CSMD1: variants seen among roughly 807,000 people sequenced by gnomAD.
The protein encoded by CSMD1 is CUB and Sushi multiple domains 1.
Under a neutral mutation model 417.5 loss-of-function variants are expected in CSMD1, and 213 were observed. The ratio of observed to expected loss-of-function variants is 0.51; its 90% CI spans 0.46 to 0.57. The LOEUF is 0.57. Ranked by LOEUF, CSMD1 falls within the 20% of genes least tolerant of loss-of-function variation. The probability of loss-of-function intolerance (pLI) is 0.00; values close to 1 mark genes in which losing one functional copy is unlikely to be tolerated. For missense variants in CSMD1, 6,923 were observed against 4,529.7 expected (o/e 1.53, Z -15.17); for synonymous variants, 2,862 against 1,736.8 (o/e 1.65, Z -16.11).
intron 23 of CSMD1, among the ~76,000 whole-genome samples, chr8:3,317,089 G>C (rs1004025491): frequency 6.6e-6 from 1 of 152,172 alleles, no homozygotes; most frequent in Non-Finnish European, 1.5e-5. Flanking sequence ...GATGGGGTCT[G>C]TGATGAAGAG....
intron 5 of CSMD1, among the ~76,000 whole-genome samples, chr8:3,950,562 G>A (rs545389131): frequency 6.6e-6 from 1 of 152,212 alleles, no homozygotes; most frequent in East Asian, 1.9e-4. Context: ...CAAGCGTTCC[G>A]CTTGCCCATA....
At chr8:3,611,181 A>G (rs2469325) in intron 8 of CSMD1, among the ~76,000 whole-genome samples, 17,524 of 151,258 alleles carry the variant, frequency 0.12, 1,158 homozygotes, top group Non-Finnish European at 0.15. Context: ...ATGTATACAT[A>G]CGTAACTAAC....
chr8:3,272,793 C>G (rs1278637662), intron 26 of CSMD1, among the ~76,000 whole-genome samples: 1 of 150,082 alleles, frequency 6.7e-6, no homozygotes, highest in African/African-American at 2.5e-5. Flanking sequence ...TATCCTGAGA[C>G]TTTGCTGAAG....
intron 62 of CSMD1, among the ~76,000 whole-genome samples, chr8:2,958,745 A>G (rs1585051901): frequency 6.6e-6 from 1 of 152,380 alleles, no homozygotes; most frequent in Non-Finnish European, 1.5e-5. Flanking sequence ...ATGAAGGCAC[A>G]TAAGTGCACC....
chr8:3,386,557 C>T (rs1464569692), intron 18 of CSMD1, among the ~76,000 whole-genome samples: 1 of 152,188 alleles, frequency 6.6e-6, no homozygotes, highest in Admixed American at 6.5e-5. Flanking sequence ...TCCATAAACC[C>T]TGTTATTTTG....
chr8:3,999,842 G>A (rs1320242675), intron 4 of CSMD1, among the ~76,000 whole-genome samples: 1 of 152,138 alleles, frequency 6.6e-6, no homozygotes, highest in Non-Finnish European at 1.5e-5. Context: ...GCCAGTCTGT[G>A]ACTCCCATCC....
chr8:4,534,713 C>T (rs1797012339), intron 2 of CSMD1, among the ~76,000 whole-genome samples: 1 of 152,090 alleles, frequency 6.6e-6, no homozygotes, highest in African/African-American at 2.4e-5. Flanking sequence ...CCTGTGTTAG[C>T]TTGCTTAGGA....
At chr8:4,076,698 T>C (rs1799838822) in intron 3 of CSMD1, among the ~76,000 whole-genome samples, 1 of 152,198 alleles carries the variant, frequency 6.6e-6, no homozygotes. Flanking sequence ...AGCCATATCT[T>C]GTCTTTCACT....
intron 7 of CSMD1, among the ~76,000 whole-genome samples, chr8:3,694,614 C>A (rs778671083): frequency 6.6e-6 from 1 of 151,852 alleles, no homozygotes. Flanking sequence ...AAGGAAGGAC[C>A]CAGCCCTGGG....
chr8:3,176,974 T>C (rs1021599215), intron 37 of CSMD1, among the ~76,000 whole-genome samples: 3 of 151,858 alleles, frequency 2.0e-5, no homozygotes, highest in Admixed American at 6.6e-5. Flanking sequence ...GATGAGGTTT[T>C]GCCATGTTGC....
At chr8:4,371,147 G>C (rs1309982477) in intron 3 of CSMD1, among the ~76,000 whole-genome samples, 1 of 152,104 alleles carries the variant, frequency 6.6e-6, no homozygotes, top group Non-Finnish European at 1.5e-5. Flanking sequence ...AGAACAAGTT[G>C]GGTATAGCTG....
intron 2 of CSMD1, among the ~76,000 whole-genome samples, chr8:4,622,524 T>C (rs1471103155): frequency 2.0e-5 from 3 of 152,172 alleles, no homozygotes; most frequent in African/African-American, 7.2e-5. Flanking sequence ...TCCTGCTGTG[T>C]CCATGCAGCA....
chr8:3,515,618 G>A (rs117398294), intron 10 of CSMD1, among the ~76,000 whole-genome samples: 3,193 of 152,318 alleles, frequency 0.021, 63 homozygotes, highest in South Asian at 0.066. Context: ...ACTGTGGCAC[G>A]TGTACTTGGC....
chr8:3,704,028 G>C (rs150206330), intron 7 of CSMD1, among the ~76,000 whole-genome samples: 1 of 152,124 alleles, frequency 6.6e-6, no homozygotes, highest in Non-Finnish European at 1.5e-5. Flanking sequence ...CTGAGATCCT[G>C]CCACTGCACT....
chr8:3,703,128 C>G (rs1312335470), intron 7 of CSMD1, among the ~76,000 whole-genome samples: 1 of 152,102 alleles, frequency 6.6e-6, no homozygotes, highest in East Asian at 1.9e-4. Flanking sequence ...TCAAACATTA[C>G]TGATTACAAG....
At chr8:3,082,734 G>C (rs1197081396) in intron 49 of CSMD1, among the ~76,000 whole-genome samples, 1 of 152,162 alleles carries the variant, frequency 6.6e-6, no homozygotes, top group Non-Finnish European at 1.5e-5. Context: ...CTGTACTCTT[G>C]AATACAAAAA....
At chr8:4,409,300 T>C (rs576461717) in intron 3 of CSMD1, among the ~76,000 whole-genome samples, 2 of 152,298 alleles carry the variant, frequency 1.3e-5, no homozygotes, top group South Asian at 2.1e-4. Context: ...TAAGTCAATA[T>C]ATGTGTTTTT....
At chr8:4,517,074 C>T (rs971279916) in intron 2 of CSMD1, among the ~76,000 whole-genome samples, 2 of 152,054 alleles carry the variant, frequency 1.3e-5, no homozygotes, top group Non-Finnish European at 2.9e-5. Context: ...ACTGTGAATG[C>T]AGAAATTTAA....
intron 3 of CSMD1, among the ~76,000 whole-genome samples, chr8:4,129,482 T>A (rs550623644): frequency 6.6e-6 from 1 of 152,298 alleles, no homozygotes; most frequent in South Asian, 2.1e-4. Context: ...AGTTTTGTAT[T>A]GTGAAAAAGT....
Sources: gnomAD v4.1 joint callset for allele counts (sites outside exome capture counted in the v4.1 genomes callset) on GRCh38, gnomAD v4.1.1 for gene constraint, MANE v1.5 for transcripts, NCBI Gene and HGNC (gene_info 2026-07-23, HGNC 2026-07-21) for gene names.